The following PTPRD variants were observed in gnomAD, a reference collection of about 807,000 sequenced individuals.
PTPRD encodes the protein protein tyrosine phosphatase receptor type D.
A neutral mutation model predicts 214.5 loss-of-function variants in PTPRD; 34 were observed. The observed-to-expected ratio is 0.16, with a 90% CI of 0.12 to 0.21. PTPRD has a LOEUF of 0.21. Ranked by LOEUF, PTPRD falls within the 10% of genes least tolerant of loss-of-function variation. PTPRD has a pLI of 1.00. For missense variants in PTPRD, 2,545 were observed against 2,398.7 expected (o/e 1.06, Z -1.27); for synonymous variants, 1,128 against 845.7 (o/e 1.33, Z -5.79).
intron 9 of PTPRD, among the ~76,000 whole-genome samples, chr9:9,275,160 TATAAC>T (rs1179872902): frequency 1.9e-5 from 1 of 51,900 alleles, no homozygotes; most frequent in African/African-American, 9.9e-5. Flanking sequence ...ATATTATATA[TATAAC>T]ATATATATAA....
In PTPRD at chr9:8,755,529, CA is replaced by C. The variant is rs1555277291; in HGVS notation, c.-103-21584del. Reference sequence around the variant, plus strand: ...GGGCAACAAGAGTGAAACTCTGTCTCAAAAAAAAAAAAAAAACAGCAGCACA... The same window carrying C: ...GGGCAACAAGAGTGAAACTCTGTCTCAAAAAAAAAAAAAAACAGCAGCACA... On this transcript the variant is annotated intron_variant, in intron 11 of 45. Transcript: ENST00000381196. Among the ~76,000 whole-genome samples, 488 of 88,494 alleles carry C rather than the reference CA, an allele frequency of 5.5e-3. 1 individual carries two copies. The highest frequency in any genetic ancestry group is 0.012 in the African/African-American group (381 of 31,962). 58.1% of individuals were successfully genotyped at this position (88,494 alleles called of 152,430 possible). A position where few individuals can be genotyped will look rare whatever the true frequency, so the allele number is the denominator to read the frequency against.
At chr9:9,504,515 C>T (rs1182362256) in intron 8 of PTPRD, among the ~76,000 whole-genome samples, 3 of 151,616 alleles carry the variant, frequency 2.0e-5, no homozygotes, top group Admixed American at 1.3e-4. Context: ...CAGCACAATA[C>T]CTACCATGTG....
chr9:9,732,834 A>G (rs1259413748), intron 7 of PTPRD, among the ~76,000 whole-genome samples: 1 of 152,038 alleles, frequency 6.6e-6, no homozygotes, highest in African/African-American at 2.4e-5. Flanking sequence ...CTGTCGTCTC[A>G]GCGATTCTGG....
chr9:8,990,383 C>T (rs1263132686), intron 11 of PTPRD, among the ~76,000 whole-genome samples: 1 of 152,130 alleles, frequency 6.6e-6, no homozygotes, highest in Non-Finnish European at 1.5e-5. Context: ...TTGTACCGAA[C>T]ATGTAATTCA....
intron 9 of PTPRD, among the ~76,000 whole-genome samples, chr9:9,266,779 T>C (rs934550266): frequency 1.3e-5 from 2 of 150,250 alleles, no homozygotes; most frequent in African/African-American, 4.9e-5. Flanking sequence ...AAATACAACA[T>C]ATAAAAACTC....
intron 3 of PTPRD, among the ~76,000 whole-genome samples, chr9:10,283,066 C>T (rs963559347): frequency 1.3e-5 from 2 of 151,838 alleles, no homozygotes; most frequent in Non-Finnish European, 2.9e-5. Context: ...TATTATTCTC[C>T]AGCTTGAAAT....
intron 7 of PTPRD, among the ~76,000 whole-genome samples, chr9:9,603,276 C>T (rs1432509188): frequency 6.6e-6 from 1 of 152,136 alleles, no homozygotes; most frequent in Non-Finnish European, 1.5e-5. Flanking sequence ...AGCTCCTACA[C>T]CCCTTGCATA....
intron 9 of PTPRD, among the ~76,000 whole-genome samples, chr9:9,271,214 A>G (rs775648715): frequency 2.6e-5 from 4 of 151,306 alleles, no homozygotes; most frequent in Non-Finnish European, 4.4e-5. Flanking sequence ...TAGAAACTTC[A>G]TGAAGCCAAC....
In PTPRD at chr9:9,636,184, A is replaced by G. The variant is rs547440350; in HGVS notation, c.-286-61403T>C. On this transcript the variant is annotated intron_variant, in intron 7 of 45. Coordinates refer to ENST00000381196, the MANE Select transcript of PTPRD (RefSeq NM_002839.4). ...TTTTGCCCACTCCTCACTCATTCAA[A>G]CCCTACTTATTAACTTTCATTTCTC... Among the ~76,000 whole-genome samples the G allele has an allele frequency of 3.3e-5, 5 of 151,994 alleles. No homozygotes were observed. In the East Asian group the frequency reaches 9.7e-4, roughly 30 times the overall value.
intron 11 of PTPRD, chr9:8,861,166 T>G (rs2098096402): frequency 6.6e-6 from 1 of 152,152 alleles, no homozygotes; most frequent in South Asian, 2.1e-4. Flanking sequence ...TTCCTAGAAG[T>G]ACTTGGAAGA....
At chr9:9,944,641 A>C (rs757170550) in intron 4 of PTPRD, among the ~76,000 whole-genome samples, 2 of 152,106 alleles carry the variant, frequency 1.3e-5, no homozygotes, top group Non-Finnish European at 2.9e-5. Context: ...GGCCACATGA[A>C]GAGCAAAGTC....
chr9:10,106,379 A>G (rs544440187), intron 3 of PTPRD, among the ~76,000 whole-genome samples: 163 of 152,064 alleles, frequency 1.1e-3, no homozygotes, highest in Non-Finnish European at 2.1e-3. Flanking sequence ...TGAGGTTTAT[A>G]GTGTACCTAC....
intron 11 of PTPRD, among the ~76,000 whole-genome samples, chr9:8,858,504 A>G (rs1291521648): frequency 6.6e-6 from 1 of 152,064 alleles, no homozygotes; most frequent in Non-Finnish European, 1.5e-5. Context: ...AAATTAAACG[A>G]AAAAGCCCAG....
rs5896388 is a variant in PTPRD at position 10,373,144 on chromosome 9, TAA to T, written c.-599-32129_-599-32128del. 2.0e-4 allele frequency among the ~76,000 whole-genome samples: 27 copies of T among 137,846 alleles called. No individual in the cohort carries two copies. The Middle Eastern group carries it at 0.011, about 58-fold the overall frequency. The allele number at this position is 137,846 out of a possible 152,430, so 90.4% of individuals were successfully genotyped here. A position where few individuals can be genotyped will look rare whatever the true frequency, so the allele number is the denominator to read the frequency against. Reference sequence around the variant, plus strand: ...ACTGTGCCCGGCCTGTCTTTATACTTAAAAAAAAAAAAAAAATTGATGAAGTT... The same window carrying T: ...ACTGTGCCCGGCCTGTCTTTATACTTAAAAAAAAAAAAAATTGATGAAGTT... On this transcript the variant is annotated intron_variant, in intron 2 of 45. Coordinates refer to ENST00000381196, the MANE Select transcript of PTPRD (RefSeq NM_002839.4).
intron 44 of PTPRD, among the ~76,000 whole-genome samples, chr9:8,323,083 C>T (rs900019703): frequency 6.6e-6 from 1 of 152,116 alleles, no homozygotes; most frequent in East Asian, 1.9e-4. Flanking sequence ...TACCAAATAG[C>T]CCAGTTCTAT....
In PTPRD at chr9:8,880,476, G is replaced by A. The variant is rs138987427; in HGVS notation, c.-104+138221C>T. Reference sequence around the variant, plus strand: ...TCAACTCCTCCTTACTGATTTTAACGCCATTATTTTTATTGAGTAAAATTC... The same window carrying A: ...TCAACTCCTCCTTACTGATTTTAACACCATTATTTTTATTGAGTAAAATTC... On this transcript the variant is annotated intron_variant, in intron 11 of 45. Coordinates refer to ENST00000381196, the MANE Select transcript of PTPRD (RefSeq NM_002839.4). Among the ~76,000 whole-genome samples the A allele has an allele frequency of 7.2e-3, 1,101 of 152,106 alleles. 25 individuals carry two copies. Among genetic ancestry groups the A allele is most frequent in the South Asian group, 0.043 (207 of 4,828 alleles).
intron 2 of PTPRD, among the ~76,000 whole-genome samples, chr9:10,553,296 G>A (rs914815949): frequency 6.6e-6 from 1 of 151,346 alleles, no homozygotes; most frequent in Non-Finnish European, 1.5e-5. Context: ...AAACTTTTGT[G>A]ATTATGCTTG....
intron 12 of PTPRD, among the ~76,000 whole-genome samples, chr9:8,644,506 C>T (rs750148553): frequency 7.9e-5 from 12 of 152,184 alleles, no homozygotes; most frequent in Non-Finnish European, 1.8e-4. Context: ...CCCTTGCTCA[C>T]CACGTTGCAG....
intron 39 of PTPRD, 126 bp downstream of exon 39, chr9:8,375,810 C>T (rs1254318331): frequency 8.5e-7 from 1 of 1,172,898 alleles, no homozygotes; most frequent in East Asian, 2.6e-5. Context: ...CTCATTTGAC[C>T]AAAAGAGAGC....
Sources: allele counts gnomAD v4.1 joint callset (sites outside exome capture counted in the v4.1 genomes callset), GRCh38; gene constraint gnomAD v4.1.1; transcripts MANE v1.5; gene names NCBI Gene and HGNC (gene_info 2026-07-23, HGNC 2026-07-21).